Variants in GABRA4 observed in about 807,000 individuals in gnomAD.
GABRA4 encodes gamma-aminobutyric acid type A receptor subunit alpha4.
In GABRA4, 12 loss-of-function variants were observed where a neutral mutation model predicts 49.7. That is an observed-to-expected ratio of 0.24 (90% CI 0.15 to 0.39). The LOEUF is 0.39. GABRA4 is among the 10% of genes least tolerant of loss of function. The pLI is 1.00. For missense variants in GABRA4, 506 were observed against 686.0 expected (o/e 0.74, Z 2.93); for synonymous variants, 288 against 240.2 (o/e 1.20, Z -1.84).
At chr4:46,964,456 A>T (rs1014779632) in intron 8 of GABRA4, among the ~76,000 whole-genome samples, 3 of 151,842 alleles carry the variant, frequency 2.0e-5, no homozygotes, top group African/African-American at 7.2e-5. Flanking sequence ...ACTTGAAGAA[A>T]TGGCTACCCC....
intron 3 of GABRA4, among the ~76,000 whole-genome samples, chr4:46,978,335 C>T (rs1017455728): frequency 3.3e-5 from 5 of 151,906 alleles, no homozygotes; most frequent in Admixed American, 6.6e-5. Flanking sequence ...ATAGTGTACA[C>T]GACTAGTTCA....
At chr4:46,954,852 G>T (rs915295703) in intron 8 of GABRA4, among the ~76,000 whole-genome samples, 5 of 152,038 alleles carry the variant, frequency 3.3e-5, no homozygotes, top group African/African-American at 1.2e-4. Flanking sequence ...AAACAGGCAG[G>T]GCTCAAATCC....
intron 7 of GABRA4, among the ~76,000 whole-genome samples, chr4:46,967,830 G>A (rs1181287401): frequency 1.3e-5 from 2 of 151,646 alleles, no homozygotes; most frequent in Admixed American, 6.6e-5. Flanking sequence ...GTAAGAGTAG[G>A]CAAAGACTGT....
chr4:46,979,844 C>T (rs1019922248), intron 2 of GABRA4, among the ~76,000 whole-genome samples: 2 of 152,118 alleles, frequency 1.3e-5, no homozygotes, highest in African/African-American at 4.8e-5. Flanking sequence ...GTGGCCACTA[C>T]TGAGACTGTT....
At chr4:46,953,275 TA>T (rs1036313979) in intron 8 of GABRA4, among the ~76,000 whole-genome samples, 5 of 152,060 alleles carry the variant, frequency 3.3e-5, no homozygotes, top group African/African-American at 1.2e-4. Flanking sequence ...CCTCACCCCC[TA>T]AAGCTCAGCA....
At chr4:46,987,497 G>A (rs2109406953) in intron 2 of GABRA4, among the ~76,000 whole-genome samples, 2 of 152,054 alleles carry the variant, frequency 1.3e-5, no homozygotes, top group South Asian at 4.2e-4. Context: ...ACTTATGAGG[G>A]CAGGAAATCG....
intron 6 of GABRA4, among the ~76,000 whole-genome samples, chr4:46,973,137 C>A (rs769941367): frequency 2.0e-5 from 3 of 151,664 alleles, no homozygotes; most frequent in African/African-American, 4.8e-5. Flanking sequence ...GAAAAAAATA[C>A]ATGGAAATAA....
At position 46,928,289 on chromosome 4, in the gene GABRA4, T is replaced by A. The variant is rs1721305163; in HGVS notation, c.1601A>T (p.Asn534Ile). Residue 534 changes from asparagine to isoleucine, a missense_variant, in exon 9 of 9, where the codon AAC becomes ATC. This residue lies in a region of GABRA4 where 29 missense variants were observed against 25.1 expected (regional missense o/e 1.16). Coordinates refer to ENST00000264318, the MANE Select transcript of GABRA4 (RefSeq NM_000809.4). ...TAAATAAACAACCCAATAAACCATGTTAAATGCCCCAAATGTGACTGGAAA... is the reference window on the plus strand; with the variant it reads ...TAAATAAACAACCCAATAAACCATGATAAATGCCCCAAATGTGACTGGAAA... ...ILFPVTFGAF[N>I]MVYWVVYLSK... 6.2e-7 allele frequency: 1 copy of A among 1,613,312 alleles called. No individual in the cohort carries two copies. Among genetic ancestry groups the A allele is most frequent in the African/African-American group, 1.3e-5 (1 of 74,996 alleles).
At chr4:46,972,530 A>G (rs888432713) in intron 6 of GABRA4, among the ~76,000 whole-genome samples, 5 of 151,554 alleles carry the variant, frequency 3.3e-5, no homozygotes, top group Non-Finnish European at 5.9e-5. Flanking sequence ...TCATTAATCT[A>G]TCACCACAAT....
intron 8 of GABRA4, among the ~76,000 whole-genome samples, chr4:46,934,190 T>A (rs1171911918): frequency 1.3e-5 from 2 of 152,162 alleles, no homozygotes; most frequent in Non-Finnish European, 2.9e-5. Flanking sequence ...CGAATAGGTT[T>A]ATCTTCTAGA....
chr4:46,974,655 A>G (rs1394143637), intron 5 of GABRA4, among the ~76,000 whole-genome samples: 2 of 151,942 alleles, frequency 1.3e-5, no homozygotes, highest in African/African-American at 2.4e-5. Context: ...CTAAAATGCT[A>G]CATATGCATG....
intron 8 of GABRA4, among the ~76,000 whole-genome samples, chr4:46,933,697 A>C (rs1381038391): frequency 2.0e-5 from 3 of 152,166 alleles, no homozygotes; most frequent in African/African-American, 7.2e-5. Context: ...TTTTGGTGCA[A>C]CTAATGTGTC....
At chr4:46,962,593 A>C (rs1433422431) in intron 8 of GABRA4, among the ~76,000 whole-genome samples, 1 of 151,946 alleles carries the variant, frequency 6.6e-6, no homozygotes, top group Non-Finnish European at 1.5e-5. Flanking sequence ...TCTTCACAGA[A>C]ATAGCAAAAA....
chr4:46,991,173 G>A (rs1368791715), intron 2 of GABRA4, among the ~76,000 whole-genome samples: 4 of 149,698 alleles, frequency 2.7e-5, no homozygotes, highest in East Asian at 2.0e-4. Flanking sequence ...GTGACAGAGC[G>A]AGACTCCATC....
chr4:46,985,218 AAGAC>A lies in GABRA4; in HGVS notation c.206-6124_206-6121del, dbSNP rs1284156659. 4.6e-5 allele frequency among the ~76,000 whole-genome samples: 7 copies of A among 152,214 alleles called. No individual in the cohort carries two copies. In the East Asian group the frequency reaches 1.4e-3, roughly 29 times the overall value. On this transcript the variant is annotated intron_variant, in intron 2 of 8. Coordinates refer to ENST00000264318, the MANE Select transcript of GABRA4 (RefSeq NM_000809.4). ...ATATTTAAAATAAACTTTTAAAATA[AAGAC>A]AGTCAACCTAAAATGACATTCAAAG... is the stretch of plus-strand genomic sequence containing the variant.
intron 2 of GABRA4, among the ~76,000 whole-genome samples, chr4:46,983,978 C>A (rs923423837): frequency 2.0e-5 from 3 of 151,972 alleles, no homozygotes; most frequent in Non-Finnish European, 4.4e-5. Flanking sequence ...GGGAAATATT[C>A]CCATCTAATT....
chr4:46,968,282 G>T (rs113063943), intron 7 of GABRA4, among the ~76,000 whole-genome samples: 3,833 of 151,276 alleles, frequency 0.025, 63 homozygotes, highest in Middle Eastern at 0.072. Flanking sequence ...CACATCTTAG[G>T]TCTTTGAAGA....
At chr4:46,985,782 ATCTT>A (rs1723511618) in intron 2 of GABRA4, among the ~76,000 whole-genome samples, 1 of 151,976 alleles carries the variant, frequency 6.6e-6, no homozygotes, top group African/African-American at 2.4e-5. Context: ...TATATTGTAT[ATCTT>A]TTTTTTTAAA....
In GABRA4 at chr4:46,928,508, G is replaced by C. The variant is rs745420368; in HGVS notation, c.1382C>G (p.Thr461Ser). Residue 461 changes from threonine (T) to serine (S), a missense_variant, in exon 9 of 9, where the codon ACT becomes AGT. Physicochemically the swap from Thr to Ser is moderately conservative, Grantham distance 58. Around this residue, in one of 5 missense-constraint regions of GABRA4, gnomAD observed 243 missense variants for 210.8 expected, o/e 1.15. Transcript: ENST00000264318. ...LPSASPTSIR[T>S]GYMPRKASVG... ...TGAAGCCTTTCGAGGCATATATCCA[G>C]TTCGGATAGAAGTAGGAGAAGCAGA... 8.1e-6 allele frequency: 13 copies of C among 1,613,528 alleles called. No homozygotes were observed. Among genetic ancestry groups the C allele is most frequent in the Admixed American group, 1.7e-5 (1 of 59,896 alleles).
Sources: allele counts gnomAD v4.1 joint callset (sites outside exome capture counted in the v4.1 genomes callset), GRCh38; gene constraint gnomAD v4.1.1; regional missense constraint gnomAD v4.1.1; transcripts MANE v1.5; gene names NCBI Gene and HGNC (gene_info 2026-07-23, HGNC 2026-07-21).